Variants in SLC6A13 observed in about 807,000 individuals in gnomAD.
SLC6A13 encodes sodium- and chloride-dependent GABA transporter 2.
In SLC6A13, 69 loss-of-function variants were observed where a neutral mutation model predicts 72.9. The observed-to-expected ratio is 0.95, with a 90% CI of 0.78 to 1.16. The LOEUF is 1.16. Ranked by LOEUF, SLC6A13 falls within the 50% of genes most tolerant of loss-of-function variation. The pLI is 0.00. For missense variants in SLC6A13, 735 were observed against 760.5 expected (o/e 0.97, Z 0.39); for synonymous variants, 303 against 303.0 (o/e 1.00, Z 0.00).
rs1565497390 is a variant in SLC6A13, at chr12:237,144, CT to C, written c.696+13del. On this transcript the variant is annotated intron_variant, in intron 6 of 14. Coordinates refer to ENST00000343164, the MANE Select transcript of SLC6A13 (RefSeq NM_016615.5). ...AGTCCGGGAATGGGAGGGGCAGGAG[CT>C]CCCCACACGAACCTTGCCTGTGGAC... The C allele has an allele frequency of 6.2e-7, 1 of 1,613,426 alleles. No individual in the cohort carries two copies. The highest frequency in any genetic ancestry group is 2.2e-5 in the East Asian group (1 of 44,864).
At chr12:232,579 C>T (rs749432258) in intron 7 of SLC6A13, among the ~76,000 whole-genome samples, 1 of 152,234 alleles carries the variant, frequency 6.6e-6, no homozygotes, top group Non-Finnish European at 1.5e-5. Flanking sequence ...GAGGAACGTG[C>T]ACTGGAATCC....
chr12:258,019 C>G (rs1017741510), intron 2 of SLC6A13, among the ~76,000 whole-genome samples: 3 of 152,208 alleles, frequency 2.0e-5, no homozygotes, highest in African/African-American at 7.2e-5. Context: ...AGCTTTCACC[C>G]TGGGCCAGCT....
At chr12:226,704 T>A in intron 8 of SLC6A13, 190 bp from the exon 9 acceptor site, 1 of 584,928 alleles carries the variant, frequency 1.7e-6, no homozygotes, top group Non-Finnish European at 2.9e-6. Context: ...CCGACACTCC[T>A]CGGCCCCACC....
At chr12:250,871 C>T (rs535142730) in intron 2 of SLC6A13, among the ~76,000 whole-genome samples, 4 of 138,758 alleles carry the variant, frequency 2.9e-5, no homozygotes, top group Non-Finnish European at 3.1e-5. Context: ...CAGGGCCTGG[C>T]GCAGTGGCTC....
At chr12:229,690 T>C (rs1241009698) in intron 7 of SLC6A13, among the ~76,000 whole-genome samples, 1 of 151,976 alleles carries the variant, frequency 6.6e-6, no homozygotes, top group Non-Finnish European at 1.5e-5. Flanking sequence ...GAGCCCGGAG[T>C]CCTCGCGCCT....
rs750445880 is a variant in SLC6A13 at position 224,551 on chromosome 12, G to T, written c.1061-38C>A. 1.9e-6 allele frequency: 3 copies of T among 1,555,528 alleles called. No individual in the cohort carries two copies. The South Asian group carries it at 3.3e-5, about 17-fold the overall frequency. Reference sequence around the variant, plus strand: ...GCAGAGGAACACGGGCCAGTGCCCGGGCCAGCTCCAGGCTGTGGGTGACCC... The same window carrying T: ...GCAGAGGAACACGGGCCAGTGCCCGTGCCAGCTCCAGGCTGTGGGTGACCC... On this transcript the variant is annotated intron_variant, in intron 9 of 14. Coordinates refer to ENST00000343164, the MANE Select transcript of SLC6A13 (RefSeq NM_016615.5).
chr12:232,918 C>T (rs1207441744), intron 7 of SLC6A13, among the ~76,000 whole-genome samples: 2 of 152,244 alleles, frequency 1.3e-5, no homozygotes, highest in South Asian at 2.1e-4. Context: ...GATAGCCTGA[C>T]ATTCTGCCCC....
intron 4 of SLC6A13, among the ~76,000 whole-genome samples, chr12:238,967 C>T (rs560148076): frequency 3.3e-4 from 50 of 150,918 alleles, no homozygotes; most frequent in South Asian, 1.2e-3. Context: ...AAAGGCCTCC[C>T]GTGGGTTTCC....
At position 222,616 on chromosome 12, in the gene SLC6A13, G is replaced by A. The variant is rs373514419; in HGVS notation, c.1431C>T (p.Tyr477=). Residue 477 remains tyrosine (Y), a synonymous_variant, in exon 13 of 15, where the codon TAC becomes TAT. Transcript: ENST00000343164. The stretch of plus-strand genomic sequence containing the variant: ...ACCCAATCATGTCTTCGATGTTGTC[G>A]TAGAAGCGCTTGGCTCCTACCATGG... ...VAWVYGAKRF[Y]DNIEDMIGYR... The A allele has an allele frequency of 4.7e-5, 76 of 1,606,800 alleles. No homozygotes were observed. Among genetic ancestry groups the A allele is most frequent in the Middle Eastern group, 1.7e-4 (1 of 6,058 alleles).
intron 1 of SLC6A13, 193 bp downstream of exon 1, chr12:262,596 G>A (rs1942962870): frequency 3.0e-6 from 2 of 656,534 alleles, no homozygotes; most frequent in Non-Finnish European, 3.8e-6. Flanking sequence ...TGTCACTTAA[G>A]TCAACAGCCA....
At chr12:225,298 G>A (rs751116419) in intron 9 of SLC6A13, among the ~76,000 whole-genome samples, 11 of 152,218 alleles carry the variant, frequency 7.2e-5, no homozygotes, top group Non-Finnish European at 1.6e-4. Flanking sequence ...GCAGGTTTCC[G>A]TTGCATGGTA....
intron 6 of SLC6A13, 72 bp from the exon 7 acceptor site, chr12:235,296 AG>A: frequency 6.6e-7 from 1 of 1,516,836 alleles, no homozygotes; most frequent in Non-Finnish European, 9.1e-7. Context: ...CAGGGGCAGG[AG>A]GCAGGGGCAA....
At position 254,796 on chromosome 12, in the gene SLC6A13, G is replaced by T. The variant is rs1942682766; in HGVS notation, c.202+5055C>A. ...AGTTGCCATTTCCACATGGACATCT[G>T]ATAGATACCTCAACTCAACTTTCCC... On this transcript the variant is annotated intron_variant, in intron 2 of 14. Coordinates refer to ENST00000343164, the MANE Select transcript of SLC6A13 (RefSeq NM_016615.5). This position sits in a 1 kb window ranked among gnomAD's most constrained non-coding sequence, Gnocchi z 4.4. 6.6e-6 allele frequency among the ~76,000 whole-genome samples: 1 copy of T among 152,140 alleles called. No individual in the cohort carries two copies. The highest frequency in any genetic ancestry group is 1.9e-4 in the East Asian group (1 of 5,196).
At position 237,253 on chromosome 12, in the gene SLC6A13, G is replaced by A; in HGVS notation, c.601C>T (p.Leu201=). 6.2e-7 allele frequency: 1 copy of A among 1,614,184 alleles called. No homozygotes were observed. Among genetic ancestry groups the A allele is most frequent in the Non-Finnish European group, 8.5e-7 (1 of 1,180,002 alleles). Residue 201 remains leucine (L), a synonymous_variant, in exon 6 of 15, where the codon CTG becomes TTG. Transcript: ENST00000343164. ...VLKISDGIQH[L]GALRWELALC... The stretch of plus-strand genomic sequence containing the variant: ...GCCAGCTCCCAGCGCAGGGCCCCCA[G>A]GTGCTGGATCCCATCAGAGATCTTC...
chr12:238,125 C>G, intron 4 of SLC6A13, 115 bp from the exon 5 acceptor site: 1 of 1,556,654 alleles, frequency 6.4e-7, no homozygotes, highest in South Asian at 1.2e-5. Context: ...TTGGCAGGAG[C>G]CAGGCTAAGG....
intron 7 of SLC6A13, among the ~76,000 whole-genome samples, chr12:232,198 C>A (rs981672388): frequency 1.3e-5 from 2 of 152,156 alleles, no homozygotes; most frequent in African/African-American, 4.8e-5. Context: ...AACACTAAGA[C>A]CCTCTGTCCT....
intron 14 of SLC6A13, 47 bp from the exon 15 acceptor site, chr12:221,117 G>T (rs1391100062): frequency 6.5e-7 from 1 of 1,541,984 alleles, no homozygotes. Context: ...GCGGGGGCAG[G>T]TCTGCCAGCT....
In SLC6A13 at chr12:220,748, C is replaced by T; in HGVS notation, c.*200G>A. The stretch of plus-strand genomic sequence containing the variant: ...TCAGAGGGACACTCTTGGCACTGGC[C>T]TTTCACATCTGTTCAACAACCCCTG... On this transcript the variant is annotated 3_prime_UTR_variant, in exon 15 of 15. Coordinates refer to ENST00000343164, the MANE Select transcript of SLC6A13 (RefSeq NM_016615.5). The T allele has an allele frequency of 3.4e-6, 2 of 596,222 alleles. No individual in the cohort carries two copies. Among genetic ancestry groups the T allele is most frequent in the East Asian group, 6.4e-5 (2 of 31,478 alleles). The allele number at this position is 596,222 out of a possible 1,614,324, so 36.9% of individuals were successfully genotyped here.
At chr12:259,705 C>T (rs1942864317) in intron 2 of SLC6A13, 146 bp downstream of exon 2, 2 of 1,555,808 alleles carry the variant, frequency 1.3e-6, no homozygotes, top group Non-Finnish European at 1.7e-6. Flanking sequence ...TAGTCTCTTA[C>T]AGAGTGTCCT....
Sources: allele counts gnomAD v4.1 joint callset (sites outside exome capture counted in the v4.1 genomes callset), GRCh38; gene constraint gnomAD v4.1.1; non-coding constraint Gnocchi (gnomAD v3.1); transcripts MANE v1.5; gene names NCBI Gene and HGNC (gene_info 2026-07-23, HGNC 2026-07-21).